Variants in RMDN3 observed in about 807,000 individuals in gnomAD.
RMDN3 encodes the protein regulator of microtubule dynamics 3, also known as regulator of microtubule dynamics protein 3.
In RMDN3, 41 loss-of-function variants were observed where a neutral mutation model predicts 61.8. The observed-to-expected ratio is 0.66, with a 90% confidence interval of 0.52 to 0.86. RMDN3 has a LOEUF of 0.86. RMDN3 is among the 40% of genes least tolerant of loss of function. RMDN3 has a pLI of 0.00. For synonymous variants in RMDN3, 247 were observed against 232.0 expected, an observed-to-expected ratio of 1.06 and a Z score of -0.59; for missense variants, 557 against 585.3, an observed-to-expected ratio of 0.95 and a Z score of 0.50.
chr15:40,745,404 CT>C (rs1037310449), intron 4 of RMDN3, 145 bp from the exon 5 acceptor site: 24 of 529,206 alleles, frequency 4.5e-5, no homozygotes, highest in South Asian at 2.2e-4. Context: ...TAAGGGCAGA[CT>C]TTTTTTCTTT....
chr15:40,751,352 A>G, intron 4 of RMDN3, 74 bp downstream of exon 4: 2 of 1,555,022 alleles, frequency 1.3e-6, no homozygotes, highest in Non-Finnish European at 1.7e-6. Context: ...CTTGGTTTGA[A>G]TTTTCCATTG....
At chr15:40,754,888 G>T (rs540234100) in intron 1 of RMDN3, 98 bp from the exon 2 acceptor site, 1 of 1,027,968 alleles carries the variant, frequency 9.7e-7, no homozygotes, top group East Asian at 2.6e-5. Flanking sequence ...CACCCTCAAG[G>T]CTGAACCCCG....
intron 4 of RMDN3, among the ~76,000 whole-genome samples, chr15:40,746,722 G>A (rs1224146478): frequency 2.0e-5 from 3 of 152,136 alleles, no homozygotes; most frequent in African/African-American, 4.8e-5. Flanking sequence ...TACCCAGTCC[G>A]TGCTGACTGC....
intron 12 of RMDN3, 29 bp from the exon 13 acceptor site, chr15:40,736,623 T>C (rs771565260): frequency 2.5e-6 from 4 of 1,608,462 alleles, no homozygotes; most frequent in Non-Finnish European, 2.6e-6. Flanking sequence ...AATCTAGGGC[T>C]CAAAATTTAA....
At chr15:40,737,522 A>T (rs1897103459) in intron 10 of RMDN3, 106 bp downstream of exon 10, 1 of 1,183,576 alleles carries the variant, frequency 8.4e-7, no homozygotes, top group African/African-American at 1.5e-5. Flanking sequence ...CAAACACAAA[A>T]TTGCCCCCGA....
intron 4 of RMDN3, among the ~76,000 whole-genome samples, chr15:40,746,332 G>A (rs534165620): frequency 1.3e-4 from 20 of 151,948 alleles, no homozygotes; most frequent in South Asian, 4.1e-4. Context: ...TGGCTAACAC[G>A]GTGAAACCCT....
Position 40,736,452 on chromosome 15 carries a change from C to G in RMDN3, c.*89G>C. On this transcript the variant is annotated 3_prime_UTR_variant, in exon 13 of 13. Coordinates refer to ENST00000338376, the MANE Select transcript of RMDN3 (RefSeq NM_018145.3). ...CCCAGGAGACAGATTTGTGTGGTTTCCTGATCTCAGCAAGGTCTAAGGAAA... is the reference window on the plus strand; with the variant it reads ...CCCAGGAGACAGATTTGTGTGGTTTGCTGATCTCAGCAAGGTCTAAGGAAA... 1.7e-6 allele frequency: 2 copies of G among 1,183,794 alleles called. No individual in the cohort carries two copies. The highest frequency in any genetic ancestry group is 2.5e-6 in the Non-Finnish European group (2 of 797,956). The allele number at this position is 1,183,794 out of a possible 1,614,324, so 73.3% of individuals were successfully genotyped here.
chr15:40,752,188 G>A lies in RMDN3; in HGVS notation c.188-10C>T. On this transcript the variant is annotated splice_polypyrimidine_tract_variant and intron_variant, in intron 2 of 12. Transcript: ENST00000338376. ...GCCCGCAGGAGCATCACTGAAGGGG[G>A]AAACGAATGGGAGCCAGTGACACAC... 6.2e-7 allele frequency: 1 copy of A among 1,608,968 alleles called. No individual in the cohort carries two copies. Among genetic ancestry groups the A allele is most frequent in the Non-Finnish European group, 8.5e-7 (1 of 1,176,814 alleles).
In RMDN3 at chr15:40,752,186, G is replaced by C; in HGVS notation, c.188-8C>G. The C allele has an allele frequency of 1.2e-6, 2 of 1,609,642 alleles. No individual in the cohort carries two copies. The highest frequency in any genetic ancestry group is 1.7e-6 in the Non-Finnish European group (2 of 1,177,216). On this transcript the variant is annotated splice_region_variant and splice_polypyrimidine_tract_variant and intron_variant, in intron 2 of 12. Coordinates refer to ENST00000338376, the MANE Select transcript of RMDN3 (RefSeq NM_018145.3). ...CAGCCCGCAGGAGCATCACTGAAGG[G>C]GGAAACGAATGGGAGCCAGTGACAC...
At chr15:40,753,975 C>G (rs372950821) in intron 2 of RMDN3, among the ~76,000 whole-genome samples, 18 of 152,324 alleles carry the variant, frequency 1.2e-4, no homozygotes, top group African/African-American at 4.1e-4. Context: ...GACTCTTCCT[C>G]TACTTATTAC....
chr15:40,753,101 A>G (rs1243813045), intron 2 of RMDN3, among the ~76,000 whole-genome samples: 1 of 152,236 alleles, frequency 6.6e-6, no homozygotes, highest in African/African-American at 2.4e-5. Flanking sequence ...CCACAAGATT[A>G]TAAAATGCTG....
chr15:40,747,359 C>T (rs1897616401), intron 4 of RMDN3, among the ~76,000 whole-genome samples: 1 of 152,220 alleles, frequency 6.6e-6, no homozygotes, highest in Non-Finnish European at 1.5e-5. Context: ...CTGCCACAAA[C>T]AGAGTGAAAG....
intron 6 of RMDN3, among the ~76,000 whole-genome samples, chr15:40,742,830 TGAA>T (rs1897335663): frequency 6.6e-6 from 1 of 152,170 alleles, no homozygotes; most frequent in Admixed American, 6.5e-5. Flanking sequence ...GTTGTTGACA[TGAA>T]GAGTCCAAAA....
intron 7 of RMDN3, chr15:40,739,216 T>TCCCC (rs1378983987): frequency 6.6e-6 from 1 of 151,734 alleles, no homozygotes; most frequent in Non-Finnish European, 1.5e-5. Context: ...TACTTCCCCA[T>TCCCC]CCCCCCAGCA....
Position 40,740,141 on chromosome 15 carries a change from ACAGT to A in RMDN3, c.959_962del (p.Asp320ValfsTer59), listed in dbSNP as rs1284402867. On this transcript the variant is annotated frameshift_variant, in exon 7 of 13. Transcript: ENST00000338376. LOFTEE classifies it high-confidence loss of function. ...CTGCAGGGTGTTATTACCACAGGTGACAGTCAGCACTCTCATCCCCCTTCTCCAG... is the reference window on the plus strand; with the variant it reads ...CTGCAGGGTGTTATTACCACAGGTGACAGCACTCTCATCCCCCTTCTCCAG... 4 of 1,608,530 alleles carry A rather than the reference ACAGT, an allele frequency of 2.5e-6. No homozygotes were observed. The highest frequency in any genetic ancestry group is 1.1e-5 in the South Asian group (1 of 90,652).
At position 40,745,268 on chromosome 15, in the gene RMDN3, G is replaced by C; in HGVS notation, c.525-9C>G. 1 of 1,612,484 alleles carries C rather than the reference G, an allele frequency of 6.2e-7. No homozygotes were observed. The highest frequency in any genetic ancestry group is 1.3e-5 in the African/African-American group (1 of 74,996). On this transcript the variant is annotated splice_polypyrimidine_tract_variant and intron_variant, in intron 4 of 12. Coordinates refer to ENST00000338376, the MANE Select transcript of RMDN3 (RefSeq NM_018145.3). ...CATTGGCTGTTGTGTAACTGGCAGAGAAATGTAAGGGACAACAAGAGGATT... is the reference window on the plus strand; with the variant it reads ...CATTGGCTGTTGTGTAACTGGCAGACAAATGTAAGGGACAACAAGAGGATT...
At chr15:40,748,967 C>T (rs1243776466) in intron 4 of RMDN3, among the ~76,000 whole-genome samples, 1 of 151,272 alleles carries the variant, frequency 6.6e-6, no homozygotes, top group Non-Finnish European at 1.5e-5. Context: ...GCAGTGGTGC[C>T]ATCTTGGCAC....
At position 40,744,051 on chromosome 15, in the gene RMDN3, T is replaced by C; in HGVS notation, c.906A>G (p.Leu302=). The change falls in exon 6 of 13, where the codon CTA becomes CTG. Residue 302 remains leucine (L), a synonymous_variant. Coordinates refer to ENST00000338376, the MANE Select transcript of RMDN3 (RefSeq NM_018145.3). ...CAGGAAGCTGTCAGCACTTACCATC[T>C]AGGGCATATGACTTCTTCTCGCTCA... ...EEVSEKKSYA[L]DGKEEAEAAL... The C allele has an allele frequency of 6.2e-7, 1 of 1,612,432 alleles. No individual in the cohort carries two copies. The highest frequency in any genetic ancestry group is 8.5e-7 in the Non-Finnish European group (1 of 1,179,412).
intron 4 of RMDN3, among the ~76,000 whole-genome samples, chr15:40,747,225 C>T (rs1314214332): frequency 1.3e-5 from 2 of 152,188 alleles, no homozygotes; most frequent in Admixed American, 6.5e-5. Flanking sequence ...CAGGGAGGGA[C>T]CTAGCCCTGC....
Sources: allele counts gnomAD v4.1 joint callset (sites outside exome capture counted in the v4.1 genomes callset), GRCh38; gene constraint gnomAD v4.1.1; transcripts MANE v1.5; gene names NCBI Gene and HGNC (gene_info 2026-07-23, HGNC 2026-07-21).